Variants in SIPA1L1 observed in about 807,000 individuals in gnomAD.
The protein encoded by SIPA1L1 is signal induced proliferation associated 1 like 1, also known as signal-induced proliferation-associated 1-like protein 1.
SIPA1L1 carries 26 observed loss-of-function variants against 162.7 expected under a neutral mutation model. That is an observed-to-expected ratio of 0.16 (90% confidence interval 0.12 to 0.22). SIPA1L1 has a LOEUF of 0.22. SIPA1L1 is among the 10% of genes least tolerant of loss of function. The pLI is 1.00. For synonymous variants in SIPA1L1, 829 were observed against 837.4 expected (o/e 0.99, Z 0.17); for missense variants, 1,874 against 2,241.0 (o/e 0.84, Z 3.31).
At chr14:71,403,311 G>T (rs552588028) in intron 2 of SIPA1L1, among the ~76,000 whole-genome samples, 61 of 152,036 alleles carry the variant, frequency 4.0e-4, no homozygotes, top group African/African-American at 1.4e-3. Context: ...TACATAAAAA[G>T]AATCTTGGCC....
chr14:71,382,867 A>T (rs754820198), intron 2 of SIPA1L1, among the ~76,000 whole-genome samples: 10 of 152,224 alleles, frequency 6.6e-5, no homozygotes, highest in Non-Finnish European at 1.5e-4. Flanking sequence ...CGAGGAAATC[A>T]GAAGTGACCA....
intron 3 of SIPA1L1, among the ~76,000 whole-genome samples, chr14:71,526,764 C>G (rs547804189): frequency 1.4e-4 from 22 of 152,226 alleles, no homozygotes; most frequent in Non-Finnish European, 2.9e-4. Context: ...CTATAATATT[C>G]CATTATATGA....
chr14:71,569,046 T>C (rs1026585944), intron 4 of SIPA1L1, among the ~76,000 whole-genome samples: 6 of 152,252 alleles, frequency 3.9e-5, no homozygotes, highest in African/African-American at 9.6e-5. Flanking sequence ...TTCAGTTTTA[T>C]CGTGTAGCAG....
chr14:71,429,300 A>G (rs1191929416), intron 2 of SIPA1L1, among the ~76,000 whole-genome samples: 1 of 152,068 alleles, frequency 6.6e-6, no homozygotes, highest in Non-Finnish European at 1.5e-5. Context: ...CCACTGGTAA[A>G]CAGTTTGTTG....
chr14:71,544,731 C>G (rs924723292), intron 4 of SIPA1L1, among the ~76,000 whole-genome samples: 1 of 151,962 alleles, frequency 6.6e-6, no homozygotes, highest in African/African-American at 2.4e-5. Flanking sequence ...TCCCATTGAG[C>G]TGAGTTAGTT....
At chr14:71,495,167 T>A (rs2049636163) in intron 2 of SIPA1L1, among the ~76,000 whole-genome samples, 1 of 152,214 alleles carries the variant, frequency 6.6e-6, no homozygotes, top group African/African-American at 2.4e-5. Context: ...GTTGTCTCTT[T>A]CTCTGTTTTC....
intron 4 of SIPA1L1, among the ~76,000 whole-genome samples, chr14:71,577,730 C>CA (rs2033296241): frequency 1.0e-5 from 1 of 97,158 alleles, no homozygotes; most frequent in African/African-American, 4.1e-5. Flanking sequence ...TTGGGCATGC[C>CA]TTTTTTTTTT....
intron 2 of SIPA1L1, among the ~76,000 whole-genome samples, chr14:71,455,091 T>G (rs1405287831): frequency 6.6e-6 from 1 of 152,220 alleles, no homozygotes; most frequent in Non-Finnish European, 1.5e-5. Flanking sequence ...ATGCCATGCC[T>G]TTTTACTAAG....
rs1465450583 is a variant in SIPA1L1 at position 71,692,918 on chromosome 14, C to CCTA, written c.3375-6061_3375-6059dup. On this transcript the variant is annotated intron_variant, in intron 13 of 23. Transcript: ENST00000381232. ...TCCAGGGGCCATGATTTGCATCCTG[C>CCTA]CTACGCTACTGGGAGTGTGTGGCAG... Among the ~76,000 whole-genome samples, 15 of 152,260 alleles carry CCTA rather than the reference C, an allele frequency of 9.9e-5. No homozygotes were observed. The East Asian group carries it at 2.9e-3, about 29-fold the overall frequency.
At chr14:71,516,074 G>A (rs998375250) in intron 3 of SIPA1L1, among the ~76,000 whole-genome samples, 1 of 152,184 alleles carries the variant, frequency 6.6e-6, no homozygotes, top group Non-Finnish European at 1.5e-5. Context: ...TTTGCTTTAA[G>A]GGTGGTTACT....
At chr14:71,647,306 A>G (rs1183053787) in intron 7 of SIPA1L1, among the ~76,000 whole-genome samples, 3 of 152,066 alleles carry the variant, frequency 2.0e-5, no homozygotes, top group Non-Finnish European at 4.4e-5. Flanking sequence ...GAATTCAGTC[A>G]AAAGAGGCAC....
chr14:71,710,513 G>GA (rs2082789602), intron 17 of SIPA1L1, among the ~76,000 whole-genome samples: 1 of 152,148 alleles, frequency 6.6e-6, no homozygotes, highest in Non-Finnish European at 1.5e-5. Context: ...ATGACCGCAA[G>GA]AAAAATAGTA....
At position 71,541,141 on chromosome 14, in the gene SIPA1L1, A is replaced by G. The variant is rs531612810; in HGVS notation, c.-303+11771A>G. On this transcript the variant is annotated intron_variant, in intron 4 of 23. Transcript: ENST00000381232. ...TTAAAAAAAAAAAGAAGAAGAACTT[A>G]TTTATGCTATATGGAAGATAATTTT... Among the ~76,000 whole-genome samples, 15 of 152,120 alleles carry G rather than the reference A, an allele frequency of 9.9e-5. No homozygotes were observed. The South Asian group carries it at 3.1e-3, about 32-fold the overall frequency.
In SIPA1L1 at chr14:71,378,987, C is replaced by T. The variant is rs151202508; in HGVS notation, c.-465+57806C>T. 2.6e-3 allele frequency among the ~76,000 whole-genome samples: 400 copies of T among 152,200 alleles called. 2 individuals are homozygous for T. Among genetic ancestry groups the T allele is most frequent in the Non-Finnish European group, 2.9e-3 (194 of 68,004 alleles). ...GCCCTGCCATTTCAATGGTAGTCCC[C>T]TTATTGATCTAGTTCTTCTCATTTT... On this transcript the variant is annotated intron_variant, in intron 2 of 23. Transcript: ENST00000381232.
chr14:71,502,886 C>T (rs2050372384), intron 2 of SIPA1L1, among the ~76,000 whole-genome samples: 1 of 152,124 alleles, frequency 6.6e-6, no homozygotes, highest in Non-Finnish European at 1.5e-5. Context: ...TAAATTTCTC[C>T]TAGCATAGTG....
chr14:71,469,568 G>A (rs4902934), intron 2 of SIPA1L1, among the ~76,000 whole-genome samples: 3,293 of 152,234 alleles, frequency 0.022, 119 homozygotes, highest in African/African-American at 0.075. Context: ...TCTGCTCATC[G>A]TAGCGAAGAT....
intron 2 of SIPA1L1, among the ~76,000 whole-genome samples, chr14:71,322,416 A>G (rs1461213612): frequency 1.3e-5 from 2 of 152,106 alleles, no homozygotes; most frequent in Admixed American, 1.3e-4. Flanking sequence ...AACGACTGTC[A>G]TTTTTCTCTT....
chr14:71,652,883 A>G (rs534187970), intron 8 of SIPA1L1, among the ~76,000 whole-genome samples: 1 of 152,206 alleles, frequency 6.6e-6, no homozygotes, highest in Non-Finnish European at 1.5e-5. Flanking sequence ...ACACATTTAT[A>G]ATAGTTGTTT....
chr14:71,711,942 G>A (rs922861612), intron 17 of SIPA1L1, among the ~76,000 whole-genome samples: 2 of 152,216 alleles, frequency 1.3e-5, no homozygotes, highest in Non-Finnish European at 2.9e-5. Flanking sequence ...AAGTAGGGAT[G>A]TTTTGAGACT....
Sources: allele counts gnomAD v4.1 joint callset (sites outside exome capture counted in the v4.1 genomes callset), GRCh38; gene constraint gnomAD v4.1.1; transcripts MANE v1.5; gene names NCBI Gene and HGNC (gene_info 2026-07-23, HGNC 2026-07-21).